ANKS1B: variants seen among roughly 807,000 people sequenced by gnomAD.
ANKS1B encodes the protein ankyrin repeat and sterile alpha motif domain containing 1B.
ANKS1B carries 36 observed loss-of-function variants against 148.3 expected under a neutral mutation model. That is an observed-to-expected ratio of 0.24 (90% CI 0.19 to 0.32). The LOEUF is 0.32. Ranked by LOEUF, ANKS1B falls within the 10% of genes least tolerant of loss-of-function variation. ANKS1B has a pLI of 1.00. For missense variants in ANKS1B, 1,157 were observed against 1,542.6 expected (o/e 0.75, Z 4.19); for synonymous variants, 542 against 560.8 (o/e 0.97, Z 0.47).
intron 17 of ANKS1B, among the ~76,000 whole-genome samples, chr12:98,869,753 T>A (rs2099643881): frequency 6.6e-6 from 1 of 152,024 alleles, no homozygotes; most frequent in African/African-American, 2.4e-5. Flanking sequence ...ATGTTAATGT[T>A]TAGCCATGTA....
chr12:99,074,343 A>C lies in ANKS1B; in HGVS notation c.2625+10582T>G, dbSNP rs550729830. 3.3e-5 allele frequency among the ~76,000 whole-genome samples: 5 copies of C among 151,194 alleles called. No individual in the cohort carries two copies. In the East Asian group the frequency reaches 9.7e-4, roughly 29 times the overall value. ...AGATAAATTCTTAAAAAAAAAAAAA[A>C]CACTAAAAAGTTCTGCCTCTTTAGC... On this transcript the variant is annotated intron_variant, in intron 16 of 26. Transcript: ENST00000683438.
At chr12:99,251,116 C>G (rs2074528429) in intron 12 of ANKS1B, among the ~76,000 whole-genome samples, 1 of 152,128 alleles carries the variant, frequency 6.6e-6, no homozygotes, top group Non-Finnish European at 1.5e-5. Context: ...AAAGGCCCAC[C>G]TCCTATTACC....
At chr12:99,711,391 C>T (rs1311424145) in intron 8 of ANKS1B, among the ~76,000 whole-genome samples, 2 of 151,988 alleles carry the variant, frequency 1.3e-5, no homozygotes, top group Non-Finnish European at 2.9e-5. Context: ...CACCCAGGTA[C>T]TAAGTCTAGT....
chr12:98,912,070 T>C (rs962258879), intron 17 of ANKS1B, among the ~76,000 whole-genome samples: 1 of 152,232 alleles, frequency 6.6e-6, no homozygotes, highest in African/African-American at 2.4e-5. Flanking sequence ...ATTTGCTTCA[T>C]ACCAGGCGCA....
intron 19 of ANKS1B, among the ~76,000 whole-genome samples, chr12:98,826,953 A>C (rs80338022): frequency 0.016 from 2,409 of 152,264 alleles, 60 homozygotes; most frequent in African/African-American, 0.052. Flanking sequence ...AAAGTATTAC[A>C]GCAAATGACC....
At chr12:98,998,089 A>G (rs1344976611) in intron 17 of ANKS1B, among the ~76,000 whole-genome samples, 4 of 152,172 alleles carry the variant, frequency 2.6e-5, no homozygotes, top group Admixed American at 6.5e-5. Context: ...CACTTTTCCA[A>G]TGTGGCAGGA....
chr12:98,883,174 T>C (rs1241581612), intron 17 of ANKS1B, among the ~76,000 whole-genome samples: 1 of 152,226 alleles, frequency 6.6e-6, no homozygotes, highest in Non-Finnish European at 1.5e-5. Context: ...AACAGCTTAA[T>C]GTATTAATTT....
At chr12:99,164,208 T>C (rs2076976524) in intron 14 of ANKS1B, among the ~76,000 whole-genome samples, 1 of 152,152 alleles carries the variant, frequency 6.6e-6, no homozygotes, top group African/African-American at 2.4e-5. Flanking sequence ...GATCATGTTT[T>C]TGGTGTCTAT....
intron 17 of ANKS1B, among the ~76,000 whole-genome samples, chr12:98,998,409 A>T (rs2099930963): frequency 6.6e-6 from 1 of 152,238 alleles, no homozygotes. Context: ...ATCAAATTTA[A>T]ATAAGGTTAC....
chr12:99,924,206 C>G (rs1452677182), intron 1 of ANKS1B, among the ~76,000 whole-genome samples: 1 of 152,048 alleles, frequency 6.6e-6, no homozygotes, highest in African/African-American at 2.4e-5. Flanking sequence ...GGGCCTTTTA[C>G]AGAGACAGTG....
intron 8 of ANKS1B, among the ~76,000 whole-genome samples, chr12:99,755,668 G>A (rs1475802828): frequency 2.0e-5 from 3 of 148,640 alleles, no homozygotes; most frequent in Non-Finnish European, 3.0e-5. Context: ...TAATCAAGCA[G>A]GCTCTATCCC....
chr12:99,382,912 C>T (rs1231781371), intron 12 of ANKS1B, among the ~76,000 whole-genome samples: 3 of 152,008 alleles, frequency 2.0e-5, no homozygotes, highest in Non-Finnish European at 4.4e-5. Context: ...ACCTGAGGCC[C>T]CTAAGGTTTC....
chr12:99,641,556 T>A (rs1412102326), intron 9 of ANKS1B, among the ~76,000 whole-genome samples: 4 of 152,092 alleles, frequency 2.6e-5, no homozygotes, highest in Admixed American at 1.3e-4. Flanking sequence ...GATGGAAAGA[T>A]GTATAAAAGA....
downstream of ANKS1B, among the ~76,000 whole-genome samples, chr12:98,742,765 C>T (rs1379534466): frequency 6.6e-6 from 1 of 152,250 alleles, no homozygotes; most frequent in Non-Finnish European, 1.5e-5. Context: ...GGAAGCAGGA[C>T]TCTGTTGCTG....
intron 8 of ANKS1B, among the ~76,000 whole-genome samples, chr12:99,673,647 G>T (rs943453838): frequency 6.6e-6 from 1 of 151,848 alleles, no homozygotes; most frequent in African/African-American, 2.4e-5. Context: ...CAGTCCTCAT[G>T]AATAATTCTT....
chr12:99,673,276 G>T (rs990187872), intron 8 of ANKS1B, among the ~76,000 whole-genome samples: 1 of 151,936 alleles, frequency 6.6e-6, no homozygotes, highest in African/African-American at 2.4e-5. Flanking sequence ...TAATTCCAAG[G>T]AAAAAGAATA....
chr12:99,852,645 G>A (rs1400615639), intron 1 of ANKS1B, among the ~76,000 whole-genome samples: 1 of 152,200 alleles, frequency 6.6e-6, no homozygotes, highest in African/African-American at 2.4e-5. Flanking sequence ...GCAGCATGTG[G>A]AGACTCACAC....
At chr12:99,632,867 G>A (rs1286647134) in intron 9 of ANKS1B, among the ~76,000 whole-genome samples, 4 of 145,864 alleles carry the variant, frequency 2.7e-5, no homozygotes, top group South Asian at 4.4e-4. Context: ...CCAGTAACTC[G>A]TCATTTACAT....
At chr12:99,702,684 A>G (rs1243789011) in intron 8 of ANKS1B, among the ~76,000 whole-genome samples, 1 of 138,924 alleles carries the variant, frequency 7.2e-6, no homozygotes, top group African/African-American at 2.6e-5. Flanking sequence ...CTGGGACCAT[A>G]GGCATGCACC....
Sources: allele counts gnomAD v4.1 joint callset (sites outside exome capture counted in the v4.1 genomes callset), GRCh38; gene constraint gnomAD v4.1.1; transcripts MANE v1.5; gene names NCBI Gene and HGNC (gene_info 2026-07-23, HGNC 2026-07-21).